The following PDE6H variants were observed in gnomAD, a reference collection of about 807,000 sequenced individuals.
PDE6H encodes phosphodiesterase 6H.
In PDE6H, 11 loss-of-function variants were observed where a neutral mutation model predicts 9.2. That is an observed-to-expected ratio of 1.19 (90% CI 0.75 to 1.97). The LOEUF (loss-of-function observed/expected upper bound fraction) is 1.97, where lower values mean the gene tolerates loss of function less well. PDE6H is among the 30% of genes most tolerant of loss of function. PDE6H has a pLI of 0.00. For missense variants in PDE6H, 98 were observed against 101.5 expected, an observed-to-expected ratio of 0.97 and a Z score of 0.15; for synonymous variants, 36 against 33.6, an observed-to-expected ratio of 1.07 and a Z score of -0.25.
chr12:14,980,423 G>T (rs1197157906), intron 3 of PDE6H, among the ~76,000 whole-genome samples: 1 of 152,112 alleles, frequency 6.6e-6, no homozygotes, highest in Non-Finnish European at 1.5e-5. Flanking sequence ...TGAATAAAAT[G>T]CCCCTAAATA....
intron 3 of PDE6H, 67 bp downstream of exon 3, chr12:14,979,286 C>T: frequency 2.0e-6 from 2 of 994,792 alleles, no homozygotes; most frequent in Non-Finnish European, 3.2e-6. Flanking sequence ...ATACTTCAGG[C>T]CTCAAGGGGC....
At chr12:14,978,683 C>T (rs1864634727) in intron 2 of PDE6H, among the ~76,000 whole-genome samples, 1 of 152,164 alleles carries the variant, frequency 6.6e-6, no homozygotes, top group African/African-American at 2.4e-5. Context: ...TCATAACTTA[C>T]ATTATATCTT....
At position 14,979,882 on chromosome 12, in the gene PDE6H, T is replaced by G. The variant is rs1024262715; in HGVS notation, c.175+663T>G. On this transcript the variant is annotated intron_variant, in intron 3 of 3. Coordinates refer to ENST00000266395, the MANE Select transcript of PDE6H (RefSeq NM_006205.3). ...GAAAGTAGAGTTCCTATATGTCCTC[T>G]CTACCATCTCTCTCCCCTTTTACAC... Among the ~76,000 whole-genome samples the G allele has an allele frequency of 5.3e-5, 8 of 152,346 alleles. No homozygotes were observed. The East Asian group carries it at 1.5e-3, about 29-fold the overall frequency.
chr12:14,974,765 C>T (rs977227789), intron 1 of PDE6H, among the ~76,000 whole-genome samples: 1 of 152,236 alleles, frequency 6.6e-6, no homozygotes, highest in African/African-American at 2.4e-5. Flanking sequence ...CCAGCGAGGG[C>T]AGATGATAAT....
rs1864685467 is a variant in PDE6H at position 14,981,572 on chromosome 12, G to T, written c.*96G>T. The T allele has an allele frequency of 2.4e-6, 2 of 825,222 alleles. No homozygotes were observed. Among genetic ancestry groups the T allele is most frequent in the Non-Finnish European group, 4.2e-6 (2 of 472,556 alleles). The allele number at this position is 825,222 out of a possible 1,614,324, so 51.1% of individuals were successfully genotyped here. A position where few individuals can be genotyped will look rare whatever the true frequency, so the allele number is the denominator to read the frequency against. ...CGGAGTCTTGAAATTCAGCTGATTG[G>T]AAGTGGTTTCTTTGACTTTCAAGGT... On this transcript the variant is annotated 3_prime_UTR_variant, in exon 4 of 4. Transcript: ENST00000266395.
At position 14,979,175 on chromosome 12, in the gene PDE6H, A is replaced by G. The variant is rs767251375; in HGVS notation, c.135-4A>G. Reference sequence around the variant, plus strand: ...GCTAATTTCTCCTTTATTCTTTTCCATAGATTTGGAGATGACATTCCAGGA... The same window carrying G: ...GCTAATTTCTCCTTTATTCTTTTCCGTAGATTTGGAGATGACATTCCAGGA... On this transcript the variant is annotated splice_region_variant and splice_polypyrimidine_tract_variant and intron_variant, in intron 2 of 3. Transcript: ENST00000266395. 2 of 1,602,760 alleles carry G rather than the reference A, an allele frequency of 1.2e-6. No individual in the cohort carries two copies. Among genetic ancestry groups the G allele is most frequent in the East Asian group, 2.2e-5 (1 of 44,778 alleles).
intron 3 of PDE6H, among the ~76,000 whole-genome samples, chr12:14,980,992 G>A (rs1431927880): frequency 2.0e-5 from 3 of 152,220 alleles, no homozygotes; most frequent in African/African-American, 7.2e-5. Flanking sequence ...ATCTAGATTG[G>A]TAGGGAAGAC....
intron 3 of PDE6H, among the ~76,000 whole-genome samples, chr12:14,981,124 T>A (rs1220397589): frequency 2.6e-5 from 4 of 152,198 alleles, no homozygotes; most frequent in Non-Finnish European, 4.4e-5. Context: ...CTCTGTGTAA[T>A]CAGTGGGCTG....
intron 1 of PDE6H, among the ~76,000 whole-genome samples, chr12:14,977,285 C>A (rs1864609958): frequency 6.6e-6 from 1 of 152,050 alleles, no homozygotes; most frequent in Non-Finnish European, 1.5e-5. Flanking sequence ...GTTTCTGGTT[C>A]ATGTGAGGAT....
At chr12:14,978,736 C>G (rs1016899094) in intron 2 of PDE6H, among the ~76,000 whole-genome samples, 6 of 152,152 alleles carry the variant, frequency 3.9e-5, no homozygotes, top group Admixed American at 3.9e-4. Flanking sequence ...TAAGACCACT[C>G]AGAAAATTTG....
chr12:14,980,706 CA>C (rs1185451533), intron 3 of PDE6H, among the ~76,000 whole-genome samples: 2 of 152,162 alleles, frequency 1.3e-5, no homozygotes, highest in Non-Finnish European at 2.9e-5. Context: ...TTGACTCTGA[CA>C]GTGTATTTGG....
chr12:14,977,845 G>A, intron 1 of PDE6H, 127 bp from the exon 2 acceptor site: 1 of 639,538 alleles, frequency 1.6e-6, no homozygotes, highest in Admixed American at 3.0e-5. Context: ...CTCCCCTTTT[G>A]TGTCAACACA....
chr12:14,981,467 G>T lies in PDE6H; in HGVS notation c.243G>T (p.Gly81=), dbSNP rs1864683098. The change falls in exon 4 of 4, where the codon GGG becomes GGT. Residue 81 remains glycine (G), a synonymous_variant. Coordinates refer to ENST00000266395, the MANE Select transcript of PDE6H (RefSeq NM_006205.3). ...AATTGCATGAGCTCGCTCAGTTTGGGATTATCTGAAGTGCCAGAGGTTCTG... is the reference window on the plus strand; with the variant it reads ...AATTGCATGAGCTCGCTCAGTTTGGTATTATCTGAAGTGCCAGAGGTTCTG... ...HLELHELAQF[G]II is the part of the protein sequence containing the mutation. The T allele has an allele frequency of 1.9e-6, 3 of 1,612,256 alleles. No individual in the cohort carries two copies. The highest frequency in any genetic ancestry group is 2.7e-5 in the African/African-American group (2 of 74,894).
At position 14,977,980 on chromosome 12, in the gene PDE6H, A is replaced by G; in HGVS notation, c.-33A>G. 1 of 1,608,838 alleles carries G rather than the reference A, an allele frequency of 6.2e-7. No homozygotes were observed. The highest frequency in any genetic ancestry group is 8.5e-7 in the Non-Finnish European group (1 of 1,176,206). On this transcript the variant is annotated 5_prime_UTR_variant, in exon 2 of 4. Coordinates refer to ENST00000266395, the MANE Select transcript of PDE6H (RefSeq NM_006205.3). ...ATCTTTCACTGTCTAAGGAGGCTGA[A>G]AGGGAAACATCAGCCGCCCGGGGGG...
At chr12:14,976,510 T>A (rs1197524825) in intron 1 of PDE6H, among the ~76,000 whole-genome samples, 1 of 152,066 alleles carries the variant, frequency 6.6e-6, no homozygotes, top group South Asian at 2.1e-4. Context: ...CCAAAGACTG[T>A]CAGGGAGGTT....
intron 3 of PDE6H, among the ~76,000 whole-genome samples, chr12:14,979,919 T>C (rs113880272): frequency 3.7e-4 from 56 of 152,348 alleles, no homozygotes; most frequent in African/African-American, 1.3e-3. Flanking sequence ...GTTTCCTCTA[T>C]TATTAACATC....
chr12:14,976,582 G>A (rs190505484), intron 1 of PDE6H, among the ~76,000 whole-genome samples: 32 of 152,210 alleles, frequency 2.1e-4, no homozygotes, highest in African/African-American at 4.8e-4. Context: ...CTAGCACTTC[G>A]GGAGGCTGAG....
rs750247893 is a variant in PDE6H, at chr12:14,979,178, G to T, written c.135-1G>T. On this transcript the variant is annotated splice_acceptor_variant, in intron 2 of 3. Coordinates refer to ENST00000266395, the MANE Select transcript of PDE6H (RefSeq NM_006205.3). LOFTEE classifies it high-confidence loss of function. Reference sequence around the variant, plus strand: ...AATTTCTCCTTTATTCTTTTCCATAGATTTGGAGATGACATTCCAGGAATG... The same window carrying T: ...AATTTCTCCTTTATTCTTTTCCATATATTTGGAGATGACATTCCAGGAATG... 1 of 1,605,108 alleles carries T rather than the reference G, an allele frequency of 6.2e-7. No individual in the cohort carries two copies.
intron 1 of PDE6H, 50 bp from the exon 2 acceptor site, chr12:14,977,922 G>A: frequency 8.0e-7 from 1 of 1,249,112 alleles, no homozygotes; most frequent in South Asian, 1.3e-5. Flanking sequence ...AATAACCAAT[G>A]GTCCCCATGA....
Sources: gnomAD v4.1 joint callset for allele counts (sites outside exome capture counted in the v4.1 genomes callset) on GRCh38, gnomAD v4.1.1 for gene constraint, MANE v1.5 for transcripts, NCBI Gene and HGNC (gene_info 2026-07-23, HGNC 2026-07-21) for gene names.